The following ABL2 variants were observed in gnomAD, a reference collection of about 807,000 sequenced individuals.
ABL2 encodes ABL proto-oncogene 2, non-receptor tyrosine kinase, also known as tyrosine-protein kinase ABL2.
Under a neutral mutation model 107.7 loss-of-function variants are expected in ABL2, and 49 were observed. That is an observed-to-expected ratio of 0.45 (90% CI 0.36 to 0.58). The LOEUF (loss-of-function observed/expected upper bound fraction) is 0.58. Ranked by LOEUF, ABL2 falls within the 20% of genes least tolerant of loss-of-function variation. The pLI, the probability that ABL2 is intolerant of heterozygous loss-of-function variation, is 0.00. For missense variants in ABL2, 1,245 were observed against 1,457.0 expected, an observed-to-expected ratio of 0.85 and a Z score of 2.37; for synonymous variants, 549 against 548.6, an observed-to-expected ratio of 1.00 and a Z score of -0.01.
intron 1 of ABL2, among the ~76,000 whole-genome samples, chr1:179,158,875 T>C (rs1658870066): frequency 6.6e-6 from 1 of 152,242 alleles, no homozygotes; most frequent in Non-Finnish European, 1.5e-5. Flanking sequence ...AAAAGAGTCA[T>C]GCCTTGTAGA....
Position 179,103,236 on chromosome 1 carries a change from C to T in ABL2, c.*4482G>A, listed in dbSNP as rs1274292227. 4.8e-6 allele frequency: 1 copy of T among 209,354 alleles called. No homozygotes were observed. The highest frequency in any genetic ancestry group is 5.9e-5 in the Admixed American group (1 of 16,924). 13.0% of individuals were successfully genotyped at this position (209,354 alleles called of 1,614,324 possible). On this transcript the variant is annotated 3_prime_UTR_variant, in exon 12 of 12. Coordinates refer to ENST00000502732, the MANE Select transcript of ABL2 (RefSeq NM_007314.4). Reference sequence around the variant, plus strand: ...GAACTACAACTTTAGCAAACACTTGCTATACCTGCTCATACCTGTTAAGCA... The same window carrying T: ...GAACTACAACTTTAGCAAACACTTGTTATACCTGCTCATACCTGTTAAGCA...
rs934493993 is a variant in ABL2 at position 179,143,174 on chromosome 1, T to C, written c.158-9800A>G. 3.2e-6 allele frequency: 4 copies of C among 1,241,718 alleles called. No individual in the cohort carries two copies. In the African/African-American group the frequency reaches 6.2e-5, roughly 19 times the overall value. 76.9% of individuals were successfully genotyped at this position (1,241,718 alleles called of 1,614,324 possible). A position where few individuals can be genotyped will look rare whatever the true frequency, so the allele number is the denominator to read the frequency against. ...GTACTCAGTGGCCAGAGGGAACCAATAAAATGGTGAGCATTCACAATTCCC... is the reference window on the plus strand; with the variant it reads ...GTACTCAGTGGCCAGAGGGAACCAACAAAATGGTGAGCATTCACAATTCCC... On this transcript the variant is annotated intron_variant, in intron 1 of 11. Coordinates refer to ENST00000502732, the MANE Select transcript of ABL2 (RefSeq NM_007314.4).
chr1:179,153,137 C>T (rs2102735029), intron 1 of ABL2, among the ~76,000 whole-genome samples: 2 of 152,206 alleles, frequency 1.3e-5, no homozygotes, highest in African/African-American at 4.8e-5. Context: ...AGATTTTATA[C>T]TCAATTTCTG....
At chr1:179,226,663 C>T (rs1217073117) in intron 1 of ABL2, among the ~76,000 whole-genome samples, 3 of 152,138 alleles carry the variant, frequency 2.0e-5, no homozygotes, top group Non-Finnish European at 4.4e-5. Flanking sequence ...CAGCTACACA[C>T]ATTTAGCTCA....
intron 5 of ABL2, 102 bp from the exon 6 acceptor site, chr1:179,120,376 G>A: frequency 1.7e-6 from 1 of 605,238 alleles, no homozygotes; most frequent in Non-Finnish European, 2.8e-6. Context: ...AGCTTTAAAA[G>A]TAAAAACTAT....
chr1:179,192,896 A>G (rs540744488), intron 1 of ABL2, among the ~76,000 whole-genome samples: 2 of 152,354 alleles, frequency 1.3e-5, no homozygotes, highest in East Asian at 1.9e-4. Context: ...ATTAAGTCAC[A>G]CTGTATTATG....
At chr1:179,141,248 A>G (rs1231959911) in intron 1 of ABL2, among the ~76,000 whole-genome samples, 1 of 152,006 alleles carries the variant, frequency 6.6e-6, no homozygotes, top group Non-Finnish European at 1.5e-5. Context: ...CCAAGATCAC[A>G]CCATTGTACT....
intron 1 of ABL2, among the ~76,000 whole-genome samples, chr1:179,224,328 G>A (rs1213188738): frequency 6.6e-6 from 1 of 151,854 alleles, no homozygotes; most frequent in African/African-American, 2.4e-5. Flanking sequence ...GTGCAGGTGC[G>A]CGATCTCGGC....
In ABL2 at chr1:179,229,335, C is replaced by T. The variant is rs1393921307; in HGVS notation, c.63G>A (p.Gly21=). 19 of 1,584,944 alleles carry T rather than the reference C, an allele frequency of 1.2e-5. No homozygotes were observed. Among genetic ancestry groups the T allele is most frequent in the Admixed American group, 3.5e-5 (2 of 57,094 alleles). The stretch of plus-strand genomic sequence containing the variant: ...GCCTGGCTGCACTGCTGCCCCGGAT[C>T]CCGCGGGGCTGAGGCTGCTGGAGCC... ...APGLQQPQPR[G]IRGSSAARPS... is the part of the protein sequence containing the mutation. Residue 21 remains glycine (G), a synonymous_variant, in exon 1 of 12, where the codon GGG becomes GGA. Coordinates refer to ENST00000502732, the MANE Select transcript of ABL2 (RefSeq NM_007314.4).
In ABL2 at chr1:179,126,061, C is replaced by A. The variant is rs1297167368; in HGVS notation, c.687+316G>T. ...ATGATACAATGTTAACTGATAAACT[C>A]TATACCAGTGCACTGGGTGTATATT... On this transcript the variant is annotated intron_variant, in intron 4 of 11. Coordinates refer to ENST00000502732, the MANE Select transcript of ABL2 (RefSeq NM_007314.4). This position sits in a 1 kb window ranked among gnomAD's most constrained non-coding sequence, Gnocchi z 4.4. Among the ~76,000 whole-genome samples, 1 of 152,178 alleles carries A rather than the reference C, an allele frequency of 6.6e-6. No individual in the cohort carries two copies. Among genetic ancestry groups the A allele is most frequent in the Non-Finnish European group, 1.5e-5 (1 of 68,024 alleles).
At chr1:179,224,775 G>T (rs939646610) in intron 1 of ABL2, among the ~76,000 whole-genome samples, 15 of 151,512 alleles carry the variant, frequency 9.9e-5, no homozygotes, top group Admixed American at 7.9e-4. Flanking sequence ...CAGCACTTTG[G>T]GAGGCCGAGG....
intron 1 of ABL2, among the ~76,000 whole-genome samples, chr1:179,149,461 C>T (rs1201176555): frequency 6.6e-6 from 1 of 152,176 alleles, no homozygotes; most frequent in Non-Finnish European, 1.5e-5. Context: ...TGAATGTGGC[C>T]ACACTAAACA....
At chr1:179,228,436 A>T (rs1325221645) in intron 1 of ABL2, among the ~76,000 whole-genome samples, 2 of 152,198 alleles carry the variant, frequency 1.3e-5, no homozygotes, top group Admixed American at 6.5e-5. Flanking sequence ...AATGAGATCA[A>T]AATAATAGGT....
At chr1:179,139,682 G>T (rs920141378) in intron 1 of ABL2, among the ~76,000 whole-genome samples, 9 of 152,134 alleles carry the variant, frequency 5.9e-5, no homozygotes, top group African/African-American at 1.7e-4. Context: ...GCCACAGACA[G>T]GTCTGTGGCC....
At chr1:179,167,928 G>A (rs754589668) in intron 1 of ABL2, among the ~76,000 whole-genome samples, 3 of 152,210 alleles carry the variant, frequency 2.0e-5, no homozygotes, top group South Asian at 2.1e-4. Context: ...GCAATGAGCC[G>A]AGATCGTGCC....
intron 2 of ABL2, 48 bp from the exon 3 acceptor site, chr1:179,131,529 A>T (rs879151608): frequency 6.3e-7 from 1 of 1,581,898 alleles, no homozygotes. Context: ...TTCAACAGCG[A>T]AACATTTGTT....
intron 1 of ABL2, among the ~76,000 whole-genome samples, chr1:179,151,796 T>C (rs1472021843): frequency 6.6e-6 from 1 of 152,212 alleles, no homozygotes; most frequent in African/African-American, 2.4e-5. Context: ...AATGATAAAA[T>C]TCTTTACCGT....
rs764378626 is a variant in ABL2, at chr1:179,133,364, G to A, written c.168C>T (p.Ala56=). 56 of 1,613,850 alleles carry A rather than the reference G, an allele frequency of 3.5e-5. No homozygotes were observed. The highest frequency in any genetic ancestry group is 1.6e-4 in the South Asian group (15 of 91,076). ...FNIFTQHDHF[A]SCVEDGFEGD... ...CCTCAAATCCATCCTCCACACAGCTGGCAAAGTGATCTATTTAAGAAAAAA... is the reference window on the plus strand; with the variant it reads ...CCTCAAATCCATCCTCCACACAGCTAGCAAAGTGATCTATTTAAGAAAAAA... Residue 56 remains alanine, a synonymous_variant, in exon 2 of 12, where the codon GCC becomes GCT. Transcript: ENST00000502732.
intron 1 of ABL2, among the ~76,000 whole-genome samples, chr1:179,215,760 A>T (rs1289676542): frequency 1.3e-5 from 2 of 152,148 alleles, no homozygotes; most frequent in Non-Finnish European, 2.9e-5. Context: ...TGTAACAAAA[A>T]CCTTCAGGTA....
Sources: gnomAD v4.1 joint callset for allele counts (sites outside exome capture counted in the v4.1 genomes callset) on GRCh38, gnomAD v4.1.1 for gene constraint, Gnocchi (gnomAD v3.1) non-coding constraint, MANE v1.5 for transcripts, NCBI Gene and HGNC (gene_info 2026-07-23, HGNC 2026-07-21) for gene names.